The following ARHGAP10 variants were observed in gnomAD, a reference collection of about 807,000 sequenced individuals.
The protein encoded by ARHGAP10 is Rho GTPase activating protein 10.
ARHGAP10 carries 87 observed loss-of-function variants against 108.6 expected under a neutral mutation model. The ratio of observed to expected loss-of-function variants is 0.80; its 90% CI spans 0.67 to 0.96. The LOEUF is 0.96. Among genes scored for constraint, ARHGAP10 ranks in the 40% least tolerant of loss-of-function variants. The pLI is 0.00. For missense variants in ARHGAP10, 939 were observed against 954.5 expected, an observed-to-expected ratio of 0.98 and a Z score of 0.21; for synonymous variants, 347 against 341.1, an observed-to-expected ratio of 1.02 and a Z score of -0.19.
intron 18 of ARHGAP10, among the ~76,000 whole-genome samples, chr4:147,967,300 G>A (rs1408294838): frequency 6.6e-6 from 1 of 152,224 alleles, no homozygotes; most frequent in Non-Finnish European, 1.5e-5. Context: ...TAGGGGTTGA[G>A]GGGCAGTGAA....
At chr4:147,758,472 A>C (rs1729466653) in intron 1 of ARHGAP10, among the ~76,000 whole-genome samples, 1 of 152,100 alleles carries the variant, frequency 6.6e-6, no homozygotes, top group South Asian at 2.1e-4. Context: ...GAACATATTC[A>C]TCACCCCAGA....
intron 5 of ARHGAP10, chr4:147,862,716 A>G (rs891694931): frequency 6.6e-6 from 1 of 152,270 alleles, no homozygotes; most frequent in African/African-American, 2.4e-5. Context: ...AGTAGCAAGA[A>G]CAACCAGGAG....
chr4:148,024,153 G>C (rs1741679333), intron 19 of ARHGAP10, among the ~76,000 whole-genome samples: 1 of 152,206 alleles, frequency 6.6e-6, no homozygotes, highest in African/African-American at 2.4e-5. Context: ...ATGGTTATTG[G>C]TGTGGAGAAT....
intron 3 of ARHGAP10, among the ~76,000 whole-genome samples, chr4:147,832,299 A>G (rs1210342663): frequency 6.6e-6 from 1 of 152,134 alleles, no homozygotes; most frequent in African/African-American, 2.4e-5. Flanking sequence ...CCTTGAAAAC[A>G]AAGAACTGAA....
intron 3 of ARHGAP10, among the ~76,000 whole-genome samples, chr4:147,834,161 A>G (rs1438587192): frequency 1.3e-5 from 2 of 152,228 alleles, no homozygotes; most frequent in Non-Finnish European, 2.9e-5. Context: ...TACTCCTGTG[A>G]TAACCCATTA....
At chr4:148,024,008 A>G (rs1231697818) in intron 19 of ARHGAP10, among the ~76,000 whole-genome samples, 1 of 152,246 alleles carries the variant, frequency 6.6e-6, no homozygotes, top group Non-Finnish European at 1.5e-5. Context: ...AATCGTTGCC[A>G]CGTGGCCCTG....
At chr4:148,039,492 G>A (rs1455440309) in intron 19 of ARHGAP10, among the ~76,000 whole-genome samples, 1 of 148,722 alleles carries the variant, frequency 6.7e-6, no homozygotes, top group African/African-American at 2.5e-5. Flanking sequence ...TAAAGACGAG[G>A]TTTCACTGTG....
At chr4:147,913,019 G>A (rs1736819808) in intron 12 of ARHGAP10, 55 bp from the exon 13 acceptor site, 3 of 1,489,844 alleles carry the variant, frequency 2.0e-6, no homozygotes, top group Non-Finnish European at 2.8e-6. Flanking sequence ...TTAAAAGGAA[G>A]AGAAATGTGA....
chr4:147,863,204 A>G (rs1734400649), intron 5 of ARHGAP10: 1 of 152,208 alleles, frequency 6.6e-6, no homozygotes, highest in Non-Finnish European at 1.5e-5. Flanking sequence ...GGCTTTTTAA[A>G]AAATCTTCCC....
chr4:147,985,029 A>G (rs1362978796), intron 18 of ARHGAP10, among the ~76,000 whole-genome samples: 1 of 152,068 alleles, frequency 6.6e-6, no homozygotes, highest in African/African-American at 2.4e-5. Flanking sequence ...GGAGCTGGGA[A>G]CCTCACCTGG....
chr4:147,871,970 G>C (rs1167694464), intron 7 of ARHGAP10, among the ~76,000 whole-genome samples: 7 of 152,000 alleles, frequency 4.6e-5, no homozygotes, highest in Non-Finnish European at 1.0e-4. Flanking sequence ...GGAGGTGGTG[G>C]CACATGTGAG....
intron 18 of ARHGAP10, among the ~76,000 whole-genome samples, chr4:147,987,769 G>C (rs1740099236): frequency 1.3e-5 from 2 of 152,160 alleles, no homozygotes; most frequent in South Asian, 4.1e-4. Context: ...CAGAGAAAAG[G>C]CAGTGATGGG....
chr4:147,753,908 A>C (rs1477665501), intron 1 of ARHGAP10, among the ~76,000 whole-genome samples: 1 of 152,190 alleles, frequency 6.6e-6, no homozygotes, highest in Non-Finnish European at 1.5e-5. Flanking sequence ...AGAGATTAAC[A>C]AATTGAGCAA....
chr4:148,025,593 T>TA (rs201428517), intron 19 of ARHGAP10, among the ~76,000 whole-genome samples: 42 of 147,876 alleles, frequency 2.8e-4, no homozygotes, highest in African/African-American at 4.7e-4. Flanking sequence ...TTACATATTC[T>TA]AAAAAAAAAA....
At position 147,752,488 on chromosome 4, in the gene ARHGAP10, T is replaced by C. The variant is rs10016881; in HGVS notation, c.154+20033T>C. On this transcript the variant is annotated intron_variant, in intron 1 of 22. Coordinates refer to ENST00000336498, the MANE Select transcript of ARHGAP10 (RefSeq NM_024605.4). ...AGCAGACTTTAAAAAGTAATGTTAC[T>C]GTTAATGATTTAATAGAGGGTACAC... is the stretch of plus-strand genomic sequence containing the variant. 9.2e-3 allele frequency among the ~76,000 whole-genome samples: 1,403 copies of C among 152,238 alleles called. 14 individuals are homozygous for C. Among genetic ancestry groups the C allele is most frequent in the African/African-American group, 0.032 (1,330 of 41,542 alleles).
intron 3 of ARHGAP10, among the ~76,000 whole-genome samples, chr4:147,831,222 C>T (rs563236065): frequency 6.6e-6 from 1 of 152,304 alleles, no homozygotes; most frequent in African/African-American, 2.4e-5. Flanking sequence ...TAAATTGTTT[C>T]GTGATGACTG....
chr4:147,859,389 C>T (rs1272754485), intron 5 of ARHGAP10, among the ~76,000 whole-genome samples: 1 of 151,380 alleles, frequency 6.6e-6, no homozygotes, highest in East Asian at 1.9e-4. Context: ...TTTCCTGCCT[C>T]TGTCTCCTGT....
chr4:147,788,609 C>T (rs1730992646), intron 1 of ARHGAP10, among the ~76,000 whole-genome samples: 1 of 152,176 alleles, frequency 6.6e-6, no homozygotes, highest in African/African-American at 2.4e-5. Flanking sequence ...TTAACCTCTA[C>T]CAGCCTGCTC....
intron 1 of ARHGAP10, among the ~76,000 whole-genome samples, chr4:147,746,692 G>A (rs533866500): frequency 2.0e-5 from 3 of 152,228 alleles, no homozygotes; most frequent in African/African-American, 7.2e-5. Flanking sequence ...GCCTGGCAGC[G>A]TGCTTCTTAA....
Sources: allele counts gnomAD v4.1 joint callset (sites outside exome capture counted in the v4.1 genomes callset), GRCh38; gene constraint gnomAD v4.1.1; transcripts MANE v1.5; gene names NCBI Gene and HGNC (gene_info 2026-07-23, HGNC 2026-07-21).